KSR1: variants seen among roughly 807,000 people sequenced by gnomAD.
KSR1 encodes kinase suppressor of ras.
In KSR1, 35 loss-of-function variants were observed where a neutral mutation model predicts 92.9. The observed-to-expected ratio is 0.38, with a 90% CI of 0.29 to 0.50. The LOEUF (loss-of-function observed/expected upper bound fraction) is 0.50, where lower values mean the gene tolerates loss of function less well. Among genes scored for constraint, KSR1 ranks in the 20% least tolerant of loss-of-function variants. The pLI, the probability that KSR1 is intolerant of heterozygous loss-of-function variation, is 0.94. For missense variants in KSR1, 972 were observed against 1,158.5 expected (o/e 0.84, Z 2.34); for synonymous variants, 467 against 472.6 (o/e 0.99, Z 0.15).
At position 27,624,374 on chromosome 17, in the gene KSR1, C is replaced by G. The variant is rs1319564225; in HGVS notation, c.*982C>G. The G allele has an allele frequency of 6.6e-6, 1 of 152,330 alleles. No individual in the cohort carries two copies. The highest frequency in any genetic ancestry group is 6.5e-5 in the Admixed American group (1 of 15,286). 9.4% of individuals were successfully genotyped at this position (152,330 alleles called of 1,614,324 possible). ...GCCAGAAGGTTCTAGAACTGCCCACCTCTTCCATTTCAGTCCTGCTGAAAC... is the reference window on the plus strand; with the variant it reads ...GCCAGAAGGTTCTAGAACTGCCCACGTCTTCCATTTCAGTCCTGCTGAAAC... On this transcript the variant is annotated 3_prime_UTR_variant, in exon 21 of 21. Coordinates refer to ENST00000644974, the MANE Select transcript of KSR1 (RefSeq NM_001394583.1).
intron 1 of KSR1, among the ~76,000 whole-genome samples, chr17:27,537,023 C>T (rs2070775852): frequency 6.6e-6 from 1 of 152,214 alleles, no homozygotes; most frequent in Non-Finnish European, 1.5e-5. Flanking sequence ...GGAAGAAGAA[C>T]CCTCACCACC....
At position 27,605,789 on chromosome 17, in the gene KSR1, C is replaced by T. The variant is rs752914455; in HGVS notation, c.1970C>T (p.Pro657Leu). 3.7e-6 allele frequency: 6 copies of T among 1,612,514 alleles called. No homozygotes were observed. The African/African-American group carries it at 8.0e-5, about 22-fold the overall frequency. The change falls in exon 14 of 21, where the codon CCG (proline) becomes CTG (leucine). Residue 657 changes from proline (P) to leucine (L), a missense_variant. Pro to Leu is a moderately conservative substitution (Grantham distance 98). Around this residue, in one of 5 missense-constraint regions of KSR1, gnomAD observed 260 missense variants for 375.2 expected, o/e 0.69. Coordinates refer to ENST00000644974, the MANE Select transcript of KSR1 (RefSeq NM_001394583.1). ...VVLFMGACMN[P>L]PHLAIITSFC... ...CTCTTCATGGGGGCCTGCATGAACCCGCCCCACCTGGCCATTATCACCAGG... is the reference window on the plus strand; with the variant it reads ...CTCTTCATGGGGGCCTGCATGAACCTGCCCCACCTGGCCATTATCACCAGG...
chr17:27,498,116 G>C (rs1262403344), intron 1 of KSR1, among the ~76,000 whole-genome samples: 1 of 152,024 alleles, frequency 6.6e-6, no homozygotes, highest in Non-Finnish European at 1.5e-5. Flanking sequence ...GATCACTTGA[G>C]GTCAGGAGTT....
In KSR1 at chr17:27,582,930, A is replaced by G. The variant is rs771729401; in HGVS notation, c.805A>G (p.Ile269Val). 6 of 1,607,632 alleles carry G rather than the reference A, an allele frequency of 3.7e-6. No homozygotes were observed. The East Asian group carries it at 1.1e-4, about 30-fold the overall frequency. The change falls in exon 4 of 21, where the codon ATC becomes GTC. Residue 269 changes from isoleucine to valine, a missense_variant. Ile to Val is a conservative substitution (Grantham distance 29). This residue lies in a region of KSR1 where 611 missense variants were observed against 668.0 expected (regional missense o/e 0.91). Coordinates refer to ENST00000644974, the MANE Select transcript of KSR1 (RefSeq NM_001394583.1). ...GACCCCCCGTGCCCTGCACAGCTTC[A>G]TCACCCCGCCCACCACACCCCAGCT... Reference protein sequence around the residue: ...RLTPRALHSFITPPTTPQLRR... With the variant: ...RLTPRALHSFVTPPTTPQLRR...
intron 1 of KSR1, among the ~76,000 whole-genome samples, chr17:27,517,539 G>A (rs1287811447): frequency 2.0e-5 from 3 of 152,106 alleles, no homozygotes; most frequent in South Asian, 2.1e-4. Context: ...CAAGCAATCC[G>A]CCCACCTTGG....
chr17:27,530,063 A>C (rs984036193), intron 1 of KSR1, among the ~76,000 whole-genome samples: 14 of 152,178 alleles, frequency 9.2e-5, no homozygotes, highest in Non-Finnish European at 1.9e-4. Context: ...CAACCAACCC[A>C]TCCCACACCC....
intron 11 of KSR1, 114 bp downstream of exon 11, chr17:27,601,515 C>A: frequency 1.2e-6 from 1 of 866,286 alleles, no homozygotes; most frequent in Non-Finnish European, 1.8e-6. Context: ...GAGTCTCCCT[C>A]CACCTGTTCT....
rs1170600275 is a variant in KSR1 at position 27,577,009 on chromosome 17, GGCAGTAAGT to G, written c.373-480_373-472del. On this transcript the variant is annotated intron_variant, in intron 2 of 20. Coordinates refer to ENST00000644974, the MANE Select transcript of KSR1 (RefSeq NM_001394583.1). This position sits in a 1 kb window ranked among gnomAD's most constrained non-coding sequence, Gnocchi z 4.5. ...AAAAGTTTTGATAGAAATCAGGTGA[GGCAGTAAGT>G]GCCTCTGCAGTGTTTGGTGAGGTTT... 6.6e-6 allele frequency among the ~76,000 whole-genome samples: 1 copy of G among 151,834 alleles called. No individual in the cohort carries two copies. Among genetic ancestry groups the G allele is most frequent in the African/African-American group, 2.4e-5 (1 of 41,352 alleles).
intron 19 of KSR1, 89 bp downstream of exon 19, chr17:27,617,517 C>G (rs1474739613): frequency 6.1e-6 from 9 of 1,464,198 alleles, no homozygotes; most frequent in Non-Finnish European, 8.3e-6. Flanking sequence ...TCTTTCTGCC[C>G]AAGACTTTGT....
Position 27,592,631 on chromosome 17 carries a change from G to C in KSR1, c.1299+5G>C, listed in dbSNP as rs1242853529. Reference sequence around the variant, plus strand: ...CCCAAAGCACTGACAAAGAAGGTACGCTGGGTAATGCTGGGGAGGACGCCC... The same window carrying C: ...CCCAAAGCACTGACAAAGAAGGTACCCTGGGTAATGCTGGGGAGGACGCCC... On this transcript the variant is annotated splice_donor_5th_base_variant and intron_variant, in intron 9 of 20. Coordinates refer to ENST00000644974, the MANE Select transcript of KSR1 (RefSeq NM_001394583.1). 6.2e-7 allele frequency: 1 copy of C among 1,610,114 alleles called. No individual in the cohort carries two copies. Among genetic ancestry groups the C allele is most frequent in the African/African-American group, 1.3e-5 (1 of 74,796 alleles).
At chr17:27,526,439 T>G (rs1396773278) in intron 1 of KSR1, 1 of 1,570,228 alleles carries the variant, frequency 6.4e-7, no homozygotes, top group Non-Finnish European at 8.7e-7. Context: ...CATTCCTTGG[T>G]AAAAGTTTGT....
chr17:27,493,324 CAG>C (rs2068881487), intron 1 of KSR1, among the ~76,000 whole-genome samples: 1 of 152,160 alleles, frequency 6.6e-6, no homozygotes, highest in Non-Finnish European at 1.5e-5. Context: ...CTTTTCAGGA[CAG>C]AGAGGGCTTT....
chr17:27,509,462 T>G (rs1476295057), intron 1 of KSR1, among the ~76,000 whole-genome samples: 1 of 152,042 alleles, frequency 6.6e-6, no homozygotes, highest in Non-Finnish European at 1.5e-5. Context: ...GGCTATTTTT[T>G]GTATTTTTAG....
Position 27,609,210 on chromosome 17 carries a change from T to A in KSR1, c.2106T>A (p.Leu702=). 1 of 1,613,910 alleles carries A rather than the reference T, an allele frequency of 6.2e-7. No homozygotes were observed. The highest frequency in any genetic ancestry group is 8.5e-7 in the Non-Finnish European group (1 of 1,179,794). Residue 702 remains leucine, a synonymous_variant, in exon 16 of 21, where the codon CTT becomes CTA. Transcript: ENST00000644974. ...GTGTCCTCCAGGGCATGGGATATCT[T>A]CATGCCAAGGGCATCGTACACAAAG... ...AQEIIKGMGY[L]HAKGIVHKDL... is the part of the protein sequence containing the mutation.
At chr17:27,491,329 G>A (rs1368589872) in intron 1 of KSR1, among the ~76,000 whole-genome samples, 1 of 144,324 alleles carries the variant, frequency 6.9e-6, no homozygotes, top group Non-Finnish European at 1.5e-5. Flanking sequence ...GTGTGTGTGT[G>A]TGTGTGTGTG....
At chr17:27,615,857 T>C (rs1277152052) in intron 18 of KSR1, among the ~76,000 whole-genome samples, 1 of 152,222 alleles carries the variant, frequency 6.6e-6, no homozygotes, top group African/African-American at 2.4e-5. Context: ...TAGTTATTAT[T>C]TCATCCTCAT....
At chr17:27,618,779 G>A (rs567892675) in intron 19 of KSR1, among the ~76,000 whole-genome samples, 2 of 152,318 alleles carry the variant, frequency 1.3e-5, no homozygotes, top group East Asian at 3.9e-4. Flanking sequence ...AGTCCAGCCT[G>A]TAGGTCAAGT....
intron 1 of KSR1, among the ~76,000 whole-genome samples, chr17:27,503,488 C>G (rs781662974): frequency 2.0e-4 from 30 of 152,166 alleles, no homozygotes; most frequent in Non-Finnish European, 1.9e-4. Flanking sequence ...CACTTGAGGT[C>G]AGAAGTTCGA....
chr17:27,469,223 AG>A (rs2019852471), intron 1 of KSR1, among the ~76,000 whole-genome samples: 1 of 151,952 alleles, frequency 6.6e-6, no homozygotes. Context: ...CCTGAAGCCT[AG>A]CTTTGTTGAC....
Sources: gnomAD v4.1 joint callset for allele counts (sites outside exome capture counted in the v4.1 genomes callset) on GRCh38, gnomAD v4.1.1 for gene constraint, gnomAD v4.1.1 regional missense constraint, Gnocchi (gnomAD v3.1) non-coding constraint, MANE v1.5 for transcripts, NCBI Gene and HGNC (gene_info 2026-07-23, HGNC 2026-07-21) for gene names.